Variants in CRB2 observed in about 807,000 individuals in gnomAD.
The protein encoded by CRB2 is crumbs cell polarity complex component 2.
A neutral mutation model predicts 110.9 loss-of-function variants in CRB2; 85 were observed. The observed-to-expected ratio is 0.77, with a 90% CI of 0.64 to 0.92. The LOEUF (loss-of-function observed/expected upper bound fraction) is 0.92. Among genes scored for constraint, CRB2 ranks in the 40% least tolerant of loss-of-function variants. The probability of loss-of-function intolerance (pLI) is 0.00; values close to 1 mark genes in which losing one functional copy is unlikely to be tolerated. For synonymous variants in CRB2, 907 were observed against 831.0 expected (o/e 1.09, Z -1.57); for missense variants, 1,843 against 1,851.3 (o/e 1.00, Z 0.08).
chr9:123,369,772 A>G (rs1350997881), intron 6 of CRB2, among the ~76,000 whole-genome samples: 1 of 152,076 alleles, frequency 6.6e-6, no homozygotes, highest in African/African-American at 2.4e-5. Flanking sequence ...GTGGAGATGG[A>G]TGGGAAAGGG....
At chr9:123,361,225 C>T (rs1306696151) in intron 1 of CRB2, among the ~76,000 whole-genome samples, 5 of 152,050 alleles carry the variant, frequency 3.3e-5, no homozygotes, top group Admixed American at 6.5e-5. Context: ...CGCTGGCAGC[C>T]GGGGCCCTTT....
chr9:123,355,684 T>C (rs1229255208), upstream of CRB2, among the ~76,000 whole-genome samples: 3 of 56,400 alleles, frequency 5.3e-5, no homozygotes, highest in Non-Finnish European at 1.0e-4. Flanking sequence ...GGCTGCCCGA[T>C]GGGAGGTGCC....
At chr9:123,376,738 TTC>T in intron 12 of CRB2, 98 bp from the exon 13 acceptor site, 2 of 1,149,334 alleles carry the variant, frequency 1.7e-6, no homozygotes, top group East Asian at 2.6e-5. Flanking sequence ...AGCTCTGATT[TTC>T]TCTGAGTAGG....
In CRB2 at chr9:123,373,382, G is replaced by C; in HGVS notation, c.2851G>C (p.Val951Leu). 1 of 1,432,302 alleles carries C rather than the reference G, an allele frequency of 7.0e-7. No homozygotes were observed. Among genetic ancestry groups the C allele is most frequent in the Middle Eastern group, 2.4e-4 (1 of 4,116 alleles). The allele number at this position is 1,432,302 out of a possible 1,614,324, so 88.7% of individuals were successfully genotyped here. ...GAVLPIPGPR[V>L]ADGAWHRVRL... is the part of the protein sequence containing the mutation. ...TGTGCTGCCCATACCGGGGCCGCGC[G>C]TGGCCGATGGTGCCTGGCACCGCGT... Residue 951 changes from valine to leucine, a missense_variant, in exon 10 of 13, where the codon GTG becomes CTG. Coordinates refer to ENST00000373631, the MANE Select transcript of CRB2 (RefSeq NM_173689.7).
At chr9:123,376,286 TAC>T (rs1032459644) in intron 12 of CRB2, among the ~76,000 whole-genome samples, 13 of 152,288 alleles carry the variant, frequency 8.5e-5, no homozygotes, top group South Asian at 4.1e-4. Context: ...ATCCTGGGAC[TAC>T]AGAGTCCCAG....
In CRB2 at chr9:123,373,194, C is replaced by CGGCGCTTGCTCGGCGCCT. The variant is rs763623789; in HGVS notation, c.2664_2665insGCGCTTGCTCGGCGCCTG (p.Ser888_Ser889insAlaLeuAlaArgArgLeu). 50 of 1,513,226 alleles carry CGGCGCTTGCTCGGCGCCT rather than the reference C, an allele frequency of 3.3e-5. No individual in the cohort carries two copies. Among genetic ancestry groups the CGGCGCTTGCTCGGCGCCT allele is most frequent in the African/African-American group, 2.9e-5 (2 of 69,736 alleles). 93.7% of individuals were successfully genotyped at this position (1,513,226 alleles called of 1,614,324 possible). ...GCCGCGTTCAGCGGGCACAACGCGT[C>CGGCGCTTGCTCGGCGCCT]GTCAGGGCGCTTGCTCGGCGGCCTG... On this transcript the variant is annotated inframe_insertion, in exon 10 of 13. Coordinates refer to ENST00000373631, the MANE Select transcript of CRB2 (RefSeq NM_173689.7).
upstream of CRB2, among the ~76,000 whole-genome samples, chr9:123,354,413 C>A (rs2041777949): frequency 6.6e-6 from 1 of 152,224 alleles, no homozygotes; most frequent in Admixed American, 6.5e-5. Flanking sequence ...ATTGGGATTG[C>A]CTGGGTCTCT....
chr9:123,357,628 CG>C (rs1033142953), intron 1 of CRB2, among the ~76,000 whole-genome samples: 1 of 132,342 alleles, frequency 7.6e-6, no homozygotes, highest in Non-Finnish European at 1.6e-5. Context: ...GGCATGGTGG[CG>C]GGGGGCGGGG....
upstream of CRB2, among the ~76,000 whole-genome samples, chr9:123,355,500 G>A (rs115125934): frequency 8.6e-3 from 1,296 of 151,566 alleles, 16 homozygotes; most frequent in African/African-American, 0.03. Context: ...AGGGACCACC[G>A]TGGTGCAGGG....
intron 2 of CRB2, 26 bp downstream of exon 2, chr9:123,363,214 G>T: frequency 6.4e-7 from 1 of 1,574,400 alleles, no homozygotes; most frequent in South Asian, 1.1e-5. Context: ...GCCCTGGGAG[G>T]AGGTCTGTAA....
In CRB2 at chr9:123,356,272, C is replaced by CG. The variant is rs1564366522; in HGVS notation, c.12_13insG (p.Arg5GlufsTer107). 6.5e-7 allele frequency: 1 copy of CG among 1,529,820 alleles called. No individual in the cohort carries two copies. Among genetic ancestry groups the CG allele is most frequent in the East Asian group, 2.5e-5 (1 of 40,386 alleles). 94.8% of individuals were successfully genotyped at this position (1,529,820 alleles called of 1,614,324 possible). On this transcript the variant is annotated frameshift_variant, in exon 1 of 13. Coordinates refer to ENST00000373631, the MANE Select transcript of CRB2 (RefSeq NM_173689.7). LOFTEE classifies it high-confidence loss of function. Reference sequence around the variant, plus strand: ...CAGAGCGGGCTGCCATGGCGCTGGCCAGGCCTGGGACCCCGGACCCCCAGG... The same window carrying CG: ...CAGAGCGGGCTGCCATGGCGCTGGCCGAGGCCTGGGACCCCGGACCCCCAGG...
Position 123,367,382 on chromosome 9 carries a change from C to G in CRB2, c.940+25C>G, listed in dbSNP as rs995438840. 8 of 1,589,144 alleles carry G rather than the reference C, an allele frequency of 5.0e-6. No individual in the cohort carries two copies. The East Asian group carries it at 1.8e-4, about 36-fold the overall frequency. ...GGTGAGCCCCTGCTGGGGAAGCGGT[C>G]AGCCCATGTCCAGATGCCCAGGGAG... On this transcript the variant is annotated intron_variant, in intron 5 of 12. Transcript: ENST00000373631.
At chr9:123,359,449 T>TTTTTTG (rs1564367936) in intron 1 of CRB2, among the ~76,000 whole-genome samples, 1 of 132,084 alleles carries the variant, frequency 7.6e-6, no homozygotes, top group Non-Finnish European at 1.6e-5. Flanking sequence ...TTGTTTTTTT[T>TTTTTTG]TTTTTTTTTT....
chr9:123,374,736 A>C, intron 11 of CRB2, 41 bp downstream of exon 11: 1 of 1,425,338 alleles, frequency 7.0e-7, no homozygotes, highest in Non-Finnish European at 9.8e-7. Context: ...GGTCCAATGA[A>C]TGTGGAGGGC....
chr9:123,358,431 C>A (rs2041824318), intron 1 of CRB2, among the ~76,000 whole-genome samples: 1 of 152,196 alleles, frequency 6.6e-6, no homozygotes, highest in African/African-American at 2.4e-5. Context: ...TCCGGCCCCT[C>A]CTCCAGCCAG....
At chr9:123,363,932 G>A (rs748027065) in intron 2 of CRB2, among the ~76,000 whole-genome samples, 2 of 152,228 alleles carry the variant, frequency 1.3e-5, no homozygotes, top group African/African-American at 2.4e-5. Flanking sequence ...GTCTGGGAGC[G>A]AAGCTGAGTC....
chr9:123,362,883 C>A lies in CRB2; in HGVS notation c.113C>A (p.Pro38His). 2 of 1,584,504 alleles carry A rather than the reference C, an allele frequency of 1.3e-6. No homozygotes were observed. Among genetic ancestry groups the A allele is most frequent in the South Asian group, 1.1e-5 (1 of 89,904 alleles). ...TCTACAGGGACGGTGCCTTCAGAGC[C>A]CCCCAGTGCCTGTGCCTCAGACCCG... is the stretch of plus-strand genomic sequence containing the variant. The part of the protein sequence containing the change: ...SLLAGTVPSE[P>H]PSACASDPCA... The change falls in exon 2 of 13, where the codon CCC becomes CAC. Residue 38 changes from proline (P) to histidine (H), a missense_variant. By Grantham distance (77) the Pro-to-His change is moderately conservative. Coordinates refer to ENST00000373631, the MANE Select transcript of CRB2 (RefSeq NM_173689.7).
At chr9:123,360,420 G>A (rs998880348) in intron 1 of CRB2, among the ~76,000 whole-genome samples, 46 of 152,104 alleles carry the variant, frequency 3.0e-4, no homozygotes, top group African/African-American at 1.0e-3. Flanking sequence ...CCCGGGAAGG[G>A]GGGACAGCCC....
intron 4 of CRB2, 49 bp downstream of exon 4, chr9:123,366,415 G>A (rs750508804): frequency 1.8e-5 from 27 of 1,496,986 alleles, no homozygotes; most frequent in Admixed American, 2.5e-5. Flanking sequence ...GTAGGTGTGC[G>A]CCTGTGCGGC....
Sources: allele counts gnomAD v4.1 joint callset (sites outside exome capture counted in the v4.1 genomes callset), GRCh38; gene constraint gnomAD v4.1.1; transcripts MANE v1.5; gene names NCBI Gene and HGNC (gene_info 2026-07-23, HGNC 2026-07-21).